The following ARHGAP15 variants were observed in gnomAD, a reference collection of about 807,000 sequenced individuals.
ARHGAP15 encodes the protein Rho GTPase activating protein 15.
Under a neutral mutation model 63.7 loss-of-function variants are expected in ARHGAP15, and 51 were observed. That is an observed-to-expected ratio of 0.80 (90% CI 0.64 to 1.01). The LOEUF (loss-of-function observed/expected upper bound fraction) is 1.01, where lower values mean the gene tolerates loss of function less well. Ranked by LOEUF, ARHGAP15 falls within the 50% of genes least tolerant of loss-of-function variation. The pLI is 0.00. For synonymous variants in ARHGAP15, 191 were observed against 193.8 expected, an observed-to-expected ratio of 0.99 and a Z score of 0.12; for missense variants, 560 against 564.6, an observed-to-expected ratio of 0.99 and a Z score of 0.08.
At chr2:143,746,365 A>AT (rs1351044002) in intron 13 of ARHGAP15, among the ~76,000 whole-genome samples, 2 of 152,004 alleles carry the variant, frequency 1.3e-5, no homozygotes, top group East Asian at 1.9e-4. Flanking sequence ...ATCCTCTGTA[A>AT]TTTTTTTTCA....
intron 12 of ARHGAP15, among the ~76,000 whole-genome samples, chr2:143,663,911 G>A (rs1462248749): frequency 6.6e-6 from 1 of 152,042 alleles, no homozygotes; most frequent in Non-Finnish European, 1.5e-5. Context: ...GATTCATAAA[G>A]CAAGTCCTGA....
At chr2:143,736,518 C>T (rs1025273008) in intron 13 of ARHGAP15, among the ~76,000 whole-genome samples, 4 of 152,088 alleles carry the variant, frequency 2.6e-5, no homozygotes, top group Non-Finnish European at 4.4e-5. Flanking sequence ...CTTTTACTTA[C>T]ACAAAGTGTA....
Position 143,155,623 on chromosome 2 carries a change from A to T in ARHGAP15, c.133A>T (p.Ile45Phe). 1.3e-6 allele frequency: 2 copies of T among 1,592,334 alleles called. No individual in the cohort carries two copies. The highest frequency in any genetic ancestry group is 1.7e-6 in the Non-Finnish European group (2 of 1,171,830). Residue 45 changes from isoleucine to phenylalanine, a missense_variant, in exon 2 of 14, where the codon ATC becomes TTC. Transcript: ENST00000295095. ...HDRLSQSKSM[I>F]LTDVGKVTEP... ...CAGGCTCAGCCAAAGTAAATCCATG[A>T]TCCTCACCGATGTCGGGAAGGTCAC...
intron 6 of ARHGAP15, among the ~76,000 whole-genome samples, chr2:143,423,055 T>C (rs138372921): frequency 2.6e-5 from 4 of 152,152 alleles, no homozygotes; most frequent in African/African-American, 9.6e-5. Flanking sequence ...GAAGCATCTG[T>C]TGAGTTGTGT....
At chr2:143,157,032 G>A (rs1457039351) in intron 2 of ARHGAP15, among the ~76,000 whole-genome samples, 2 of 151,892 alleles carry the variant, frequency 1.3e-5, no homozygotes, top group African/African-American at 2.4e-5. Flanking sequence ...TTAACAAAAG[G>A]CACTATGCCG....
chr2:143,749,377 C>T (rs1037336011), intron 13 of ARHGAP15, among the ~76,000 whole-genome samples: 87 of 152,172 alleles, frequency 5.7e-4, no homozygotes, highest in African/African-American at 2.0e-3. Context: ...CATGATCACA[C>T]GAAAACGATC....
chr2:143,553,000 T>G lies in ARHGAP15; in HGVS notation c.926-3408T>G, dbSNP rs2105078317. Among the ~76,000 whole-genome samples, 2 of 152,328 alleles carry G rather than the reference T, an allele frequency of 1.3e-5. 1 individual carries two copies. The highest frequency in any genetic ancestry group is 3.9e-4 in the East Asian group (2 of 5,176). On this transcript the variant is annotated intron_variant, in intron 10 of 13. Transcript: ENST00000295095. ...CAATCCAGCAAGGATAATGTGGTCA[T>G]GAAAAGGATGTCCAAATCCACCAAT...
At chr2:143,503,012 G>A (rs536251050) in intron 9 of ARHGAP15, among the ~76,000 whole-genome samples, 3 of 152,346 alleles carry the variant, frequency 2.0e-5, no homozygotes, top group African/African-American at 7.2e-5. Flanking sequence ...GAGAGAGTCT[G>A]CGCTAACCAA....
intron 6 of ARHGAP15, among the ~76,000 whole-genome samples, chr2:143,279,236 C>T (rs1413643791): frequency 1.3e-5 from 2 of 152,098 alleles, no homozygotes; most frequent in African/African-American, 4.8e-5. Flanking sequence ...TCTTATTCAG[C>T]TCAAGTGCCA....
chr2:143,283,624 C>T lies in ARHGAP15; in HGVS notation c.474+33024C>T, dbSNP rs950534713. Among the ~76,000 whole-genome samples the T allele has an allele frequency of 2.6e-5, 4 of 152,128 alleles. No individual in the cohort carries two copies. The South Asian group carries it at 6.2e-4, about 24-fold the overall frequency. On this transcript the variant is annotated intron_variant, in intron 6 of 13. Transcript: ENST00000295095. ...CTGCTGTCATGCCAAGGCACTAAGA[C>T]ATTTTACTTCCACCTGTAATAATAT...
At chr2:143,743,785 G>A (rs1686055803) in intron 13 of ARHGAP15, among the ~76,000 whole-genome samples, 1 of 152,024 alleles carries the variant, frequency 6.6e-6, no homozygotes, top group African/African-American at 2.4e-5. Context: ...CAGATTGTAG[G>A]TTAGAGAGTA....
chr2:143,524,901 A>G (rs1306554683), intron 10 of ARHGAP15, among the ~76,000 whole-genome samples: 5 of 152,220 alleles, frequency 3.3e-5, no homozygotes, highest in Admixed American at 3.3e-4. Context: ...ATTGTACAGT[A>G]CCCATTGTAC....
At chr2:143,559,767 CTG>C (rs1198396695) in intron 11 of ARHGAP15, among the ~76,000 whole-genome samples, 2 of 152,186 alleles carry the variant, frequency 1.3e-5, no homozygotes, top group African/African-American at 4.8e-5. Context: ...GGCCCTCTCT[CTG>C]TGTGTCTAAT....
chr2:143,757,459 C>T (rs1686619177), intron 13 of ARHGAP15, among the ~76,000 whole-genome samples: 2 of 151,906 alleles, frequency 1.3e-5, no homozygotes, highest in Admixed American at 6.6e-5. Context: ...TTCATTGAGC[C>T]GAGACAATGC....
chr2:143,140,883 C>G (rs1454130696), intron 1 of ARHGAP15, among the ~76,000 whole-genome samples: 1 of 152,110 alleles, frequency 6.6e-6, no homozygotes, highest in Non-Finnish European at 1.5e-5. Context: ...GTGCTGTCCA[C>G]AGAAAGCTTG....
At chr2:143,413,118 T>C (rs1252999413) in intron 6 of ARHGAP15, among the ~76,000 whole-genome samples, 1 of 152,230 alleles carries the variant, frequency 6.6e-6, no homozygotes, top group Non-Finnish European at 1.5e-5. Flanking sequence ...TTATTAAAAA[T>C]CTTTTTGAAT....
chr2:143,741,957 A>G (rs913595750), intron 13 of ARHGAP15, among the ~76,000 whole-genome samples: 2 of 152,244 alleles, frequency 1.3e-5, no homozygotes, highest in African/African-American at 4.8e-5. Flanking sequence ...AAAAAACAAT[A>G]AGCAGCTAGA....
Position 143,425,672 on chromosome 2 carries a change from C to A in ARHGAP15, c.475-9929C>A, listed in dbSNP as rs1333902187. Among the ~76,000 whole-genome samples, 3 of 152,016 alleles carry A rather than the reference C, an allele frequency of 2.0e-5. No homozygotes were observed. In the East Asian group the frequency reaches 5.8e-4, roughly 29 times the overall value. The stretch of plus-strand genomic sequence containing the variant: ...TTCCACATTCTCAGAAGAAAATTTT[C>A]AACATTTTCAATTTATTTAAGCCTC... On this transcript the variant is annotated intron_variant, in intron 6 of 13. Transcript: ENST00000295095.
chr2:143,713,205 A>G (rs568422889), intron 13 of ARHGAP15, among the ~76,000 whole-genome samples: 80 of 152,136 alleles, frequency 5.3e-4, no homozygotes, highest in Non-Finnish European at 1.0e-3. Flanking sequence ...AGGTGGAGAG[A>G]CCTCAGAATC....
Sources: gnomAD v4.1 joint callset for allele counts (sites outside exome capture counted in the v4.1 genomes callset) on GRCh38, gnomAD v4.1.1 for gene constraint, MANE v1.5 for transcripts, NCBI Gene and HGNC (gene_info 2026-07-23, HGNC 2026-07-21) for gene names.